DLG2: variants seen among roughly 807,000 people sequenced by gnomAD.
The protein encoded by DLG2 is disks large homolog 2.
DLG2 carries 45 observed loss-of-function variants against 132.5 expected under a neutral mutation model. That is an observed-to-expected ratio of 0.34 (90% confidence interval 0.27 to 0.44). The LOEUF is 0.44. Ranked by LOEUF, DLG2 falls within the 20% of genes least tolerant of loss-of-function variation. DLG2 has a pLI of 1.00. For missense variants in DLG2, 1,045 were observed against 1,196.9 expected (o/e 0.87, Z 1.87); for synonymous variants, 424 against 419.6 (o/e 1.01, Z -0.13).
chr11:85,084,265 T>C (rs1266313549), intron 6 of DLG2, among the ~76,000 whole-genome samples: 3 of 152,080 alleles, frequency 2.0e-5, no homozygotes, highest in Non-Finnish European at 4.4e-5. Flanking sequence ...AAAGAGGAGA[T>C]GAAACCTAGC....
intron 3 of DLG2, among the ~76,000 whole-genome samples, chr11:85,296,527 G>A (rs2079229389): frequency 7.1e-6 from 1 of 140,206 alleles, no homozygotes; most frequent in Non-Finnish European, 1.5e-5. Context: ...TGGACATACA[G>A]CTCTGAATCA....
chr11:85,399,123 T>C (rs942858584), intron 3 of DLG2, among the ~76,000 whole-genome samples: 2 of 151,952 alleles, frequency 1.3e-5, no homozygotes, highest in African/African-American at 2.4e-5. Flanking sequence ...ACAAGCATTC[T>C]TATACACCAA....
At chr11:84,531,487 G>GATAA (rs570070013) in intron 7 of DLG2, among the ~76,000 whole-genome samples, 15 of 152,106 alleles carry the variant, frequency 9.9e-5, no homozygotes, top group South Asian at 8.3e-4. Context: ...ACAAGTTTAA[G>GATAA]ATAAATAAAT....
At chr11:83,688,652 T>A (rs1440597425) in intron 18 of DLG2, among the ~76,000 whole-genome samples, 2 of 152,188 alleles carry the variant, frequency 1.3e-5, no homozygotes, top group Non-Finnish European at 2.9e-5. Flanking sequence ...TAAACATAAG[T>A]ATATATAGAA....
At chr11:84,857,310 T>C (rs1454199289) in intron 6 of DLG2, among the ~76,000 whole-genome samples, 1 of 151,904 alleles carries the variant, frequency 6.6e-6, no homozygotes, top group Non-Finnish European at 1.5e-5. Context: ...AGTTAACTGA[T>C]TAAACAAGGT....
At chr11:85,395,951 G>C (rs562930294) in intron 3 of DLG2, among the ~76,000 whole-genome samples, 1 of 152,216 alleles carries the variant, frequency 6.6e-6, no homozygotes, top group Non-Finnish European at 1.5e-5. Flanking sequence ...AGAACAAACA[G>C]ACTGCCTCCT....
intron 7 of DLG2, among the ~76,000 whole-genome samples, chr11:84,382,283 C>T (rs2098751552): frequency 6.6e-6 from 1 of 152,076 alleles, no homozygotes; most frequent in Admixed American, 6.6e-5. Context: ...AACCACCAGA[C>T]AGCTGTCATC....
At chr11:84,208,563 C>T (rs1002647073) in intron 8 of DLG2, among the ~76,000 whole-genome samples, 4 of 151,932 alleles carry the variant, frequency 2.6e-5, no homozygotes, top group South Asian at 4.1e-4. Context: ...AGGCTGGTCT[C>T]GAACTACTGA....
At chr11:85,425,692 C>G (rs1012915565) in intron 3 of DLG2, among the ~76,000 whole-genome samples, 2 of 152,156 alleles carry the variant, frequency 1.3e-5, no homozygotes, top group South Asian at 4.1e-4. Flanking sequence ...CAGCTCCACT[C>G]TACAGCTCCC....
At chr11:83,755,637 G>C (rs1315117761) in intron 18 of DLG2, among the ~76,000 whole-genome samples, 1 of 151,210 alleles carries the variant, frequency 6.6e-6, no homozygotes, top group Non-Finnish European at 1.5e-5. Context: ...TAATTTACTG[G>C]CCAAGAATCT....
At chr11:83,553,889 C>CTTTTTTTTTTTTTTTTTTTTTT (rs57434000) in intron 19 of DLG2, among the ~76,000 whole-genome samples, 2 of 142,888 alleles carry the variant, frequency 1.4e-5, no homozygotes, top group African/African-American at 2.6e-5. Context: ...ACAATCTTTT[C>CTTTTTTTTTTTTTTTTTTTTTT]TTTTTTTTTC....
At chr11:83,570,192 T>C (rs1185842354) in intron 19 of DLG2, among the ~76,000 whole-genome samples, 1 of 152,146 alleles carries the variant, frequency 6.6e-6, no homozygotes, top group Non-Finnish European at 1.5e-5. Context: ...CTCAAACTCA[T>C]ATGCCGATTA....
intron 9 of DLG2, among the ~76,000 whole-genome samples, chr11:84,120,221 C>T (rs996631747): frequency 6.6e-6 from 1 of 152,096 alleles, no homozygotes; most frequent in South Asian, 2.1e-4. Context: ...TGTCCCTTGT[C>T]TCGGTATTTC....
At chr11:85,146,001 G>A (rs1310162791) in intron 5 of DLG2, among the ~76,000 whole-genome samples, 1 of 152,060 alleles carries the variant, frequency 6.6e-6, no homozygotes, top group Non-Finnish European at 1.5e-5. Context: ...TATTCAAATG[G>A]AATTGGGTGT....
intron 4 of DLG2, among the ~76,000 whole-genome samples, chr11:85,275,493 T>C (rs1436651165): frequency 6.6e-6 from 1 of 152,166 alleles, no homozygotes; most frequent in South Asian, 2.1e-4. Context: ...AGAATACTAG[T>C]ATATGTGAAC....
chr11:83,989,789 C>T (rs1411374035), intron 11 of DLG2, among the ~76,000 whole-genome samples: 1 of 152,052 alleles, frequency 6.6e-6, no homozygotes, highest in Non-Finnish European at 1.5e-5. Flanking sequence ...AGGGTAGTCC[C>T]TACTGAAATG....
intron 21 of DLG2, among the ~76,000 whole-genome samples, chr11:83,527,075 C>G (rs2095627598): frequency 1.3e-5 from 2 of 152,140 alleles, no homozygotes. Context: ...CTTGTTCCCT[C>G]ATTTTATTTT....
chr11:84,732,318 T>G (rs1306117773), intron 6 of DLG2, among the ~76,000 whole-genome samples: 1 of 152,052 alleles, frequency 6.6e-6, no homozygotes, highest in Non-Finnish European at 1.5e-5. Flanking sequence ...TGAATATGTG[T>G]TTATATTTTA....
intron 4 of DLG2, among the ~76,000 whole-genome samples, chr11:85,200,113 C>G (rs1398371570): frequency 6.6e-6 from 1 of 152,072 alleles, no homozygotes; most frequent in African/African-American, 2.4e-5. Context: ...TGTAAACCCC[C>G]CCATGGAGCC....
Sources: gnomAD v4.1 joint callset for allele counts (sites outside exome capture counted in the v4.1 genomes callset) on GRCh38, gnomAD v4.1.1 for gene constraint, MANE v1.5 for transcripts, NCBI Gene and HGNC (gene_info 2026-07-23, HGNC 2026-07-21) for gene names.